The following ATP13A2 variants were observed in gnomAD, a reference collection of about 807,000 sequenced individuals.
ATP13A2 encodes polyamine-transporting ATPase 13A2.
Under a neutral mutation model 138.3 loss-of-function variants are expected in ATP13A2, and 83 were observed. That is an observed-to-expected ratio of 0.60 (90% CI 0.50 to 0.72). ATP13A2 has a LOEUF of 0.72. ATP13A2 is among the 30% of genes least tolerant of loss of function. ATP13A2 has a pLI of 0.00. For synonymous variants in ATP13A2, 663 were observed against 699.0 expected (o/e 0.95, Z 0.81); for missense variants, 1,402 against 1,606.4 (o/e 0.87, Z 2.17).
rs1242696342 is a variant in ATP13A2, at chr1:17,011,917, G to A, written c.-179C>T. 1 of 428,010 alleles carries A rather than the reference G, an allele frequency of 2.3e-6. No homozygotes were observed. The highest frequency in any genetic ancestry group is 3.2e-6 in the Non-Finnish European group (1 of 317,006). The allele number at this position is 428,010 out of a possible 1,614,324, so 26.5% of individuals were successfully genotyped here. Reference sequence around the variant, plus strand: ...GCACCTGGGCCACCAGGCTCGGCGCGGCTCCGACACTGCCGCAGTCCCTCC... The same window carrying A: ...GCACCTGGGCCACCAGGCTCGGCGCAGCTCCGACACTGCCGCAGTCCCTCC... On this transcript the variant is annotated 5_prime_UTR_variant, in exon 1 of 29. Transcript: ENST00000326735. This position sits in a 1 kb window ranked among gnomAD's most constrained non-coding sequence, Gnocchi z 7.3.
At chr1:16,998,351 T>G (rs991952715) in intron 11 of ATP13A2, among the ~76,000 whole-genome samples, 1 of 152,024 alleles carries the variant, frequency 6.6e-6, no homozygotes, top group Non-Finnish European at 1.5e-5. Flanking sequence ...ACGATAGACG[T>G]GCACCACTAC....
rs768307347 is a variant in ATP13A2, at chr1:16,990,004, C to G, written c.2413-1G>C. On this transcript the variant is annotated splice_acceptor_variant, in intron 21 of 28. Coordinates refer to ENST00000326735, the MANE Select transcript of ATP13A2 (RefSeq NM_022089.4). LOFTEE classifies it high-confidence loss of function. ...TGTAGCTTGCAGCCTGGTCAGGATC[C>G]TGGGGGCCCAGGAAGCTCAGCTTAG... 3.1e-6 allele frequency: 5 copies of G among 1,612,286 alleles called. No homozygotes were observed. The highest frequency in any genetic ancestry group is 1.7e-5 in the Admixed American group (1 of 59,684).
chr1:16,988,819 A>C (rs1301133014), intron 23 of ATP13A2, among the ~76,000 whole-genome samples: 1 of 152,028 alleles, frequency 6.6e-6, no homozygotes, highest in African/African-American at 2.4e-5. Context: ...TTTTTAGTAG[A>C]GATGGGGTTT....
intron 12 of ATP13A2, 56 bp from the exon 13 acceptor site, chr1:16,996,552 C>T (rs544340622): frequency 4.9e-6 from 7 of 1,422,980 alleles, no homozygotes; most frequent in Admixed American, 3.4e-5. Flanking sequence ...GCAGGCCTTC[C>T]CCACCCCTAG....
intron 11 of ATP13A2, among the ~76,000 whole-genome samples, chr1:16,998,000 C>T (rs1557698098): frequency 6.6e-6 from 1 of 152,190 alleles, no homozygotes; most frequent in Non-Finnish European, 1.5e-5. Flanking sequence ...CCTGGGCAGG[C>T]TGCCTAGCAA....
chr1:17,005,071 T>C lies in ATP13A2; in HGVS notation c.290A>G (p.Asp97Gly). The change falls in exon 4 of 29, where the codon GAT becomes GGT. Residue 97 changes from aspartate to glycine, a missense_variant and splice_region_variant. By Grantham distance (94) the Asp-to-Gly change is moderately conservative (BLOSUM62 -1). Coordinates refer to ENST00000326735, the MANE Select transcript of ATP13A2 (RefSeq NM_022089.4). ...TLVIEIRDKE[D>G]SSWQLFTVQV... ...GACAGTGAAGAGCTGCCAGGAACTA[T>C]CCTGGAACACAGAGGTATGGACTCA... 1 of 1,614,070 alleles carries C rather than the reference T, an allele frequency of 6.2e-7. No homozygotes were observed. Among genetic ancestry groups the C allele is most frequent in the Non-Finnish European group, 8.5e-7 (1 of 1,180,016 alleles).
chr1:16,988,399 C>T lies in ATP13A2; in HGVS notation c.2685G>A (p.Leu895=), dbSNP rs138437271. The T allele has an allele frequency of 2.7e-5, 44 of 1,614,042 alleles. No individual in the cohort carries two copies. In the African/African-American group the frequency reaches 5.1e-4, roughly 19 times the overall value. Residue 895 remains leucine (L), a synonymous_variant, in exon 24 of 29, where the codon CTG becomes CTA. Coordinates refer to ENST00000326735, the MANE Select transcript of ATP13A2 (RefSeq NM_022089.4). ...ALKAADVGIS[L]SQAEASVVSP... is the part of the protein sequence containing the mutation. Reference sequence around the variant, plus strand: ...AGACCACTGAGGCTTCTGCCTGGGACAGCGAGATGCCGACATCAGCCGCCT... The same window carrying T: ...AGACCACTGAGGCTTCTGCCTGGGATAGCGAGATGCCGACATCAGCCGCCT...
intron 20 of ATP13A2, among the ~76,000 whole-genome samples, chr1:16,990,527 C>CT (rs1039160253): frequency 6.6e-6 from 1 of 151,730 alleles, no homozygotes; most frequent in Admixed American, 6.6e-5. Context: ...CCTTTTTTTT[C>CT]TTTTTTTAAG....
chr1:17,005,138 G>A (rs1445919985), intron 3 of ATP13A2, 66 bp from the exon 4 acceptor site: 27 of 1,600,250 alleles, frequency 1.7e-5, no homozygotes, highest in Non-Finnish European at 2.2e-5. Context: ...CTGTCCTACA[G>A]CCAGGCGGCC....
chr1:17,001,314 G>T (rs1444412198), intron 8 of ATP13A2, among the ~76,000 whole-genome samples: 1 of 150,236 alleles, frequency 6.7e-6, no homozygotes, highest in African/African-American at 2.5e-5. Context: ...TGTAGTCCCA[G>T]CTATGTAGGA....
At chr1:16,994,184 G>GCT (rs144710370) in intron 15 of ATP13A2, among the ~76,000 whole-genome samples, 21 of 148,500 alleles carry the variant, frequency 1.4e-4, no homozygotes, top group Middle Eastern at 3.5e-3. Context: ...CGGTTGGCTC[G>GCT]CTCTCTCTCT....
Position 16,996,078 on chromosome 1 carries a change from GCA to G in ATP13A2, c.1438_1439del (p.Cys480HisfsTer40), listed in dbSNP as rs2077109424. The G allele has an allele frequency of 6.2e-7, 1 of 1,614,118 alleles. No homozygotes were observed. Among genetic ancestry groups the G allele is most frequent in the Non-Finnish European group, 8.5e-7 (1 of 1,180,048 alleles). On this transcript the variant is annotated frameshift_variant, in exon 15 of 29. Coordinates refer to ENST00000326735, the MANE Select transcript of ATP13A2 (RefSeq NM_022089.4). LOFTEE classifies it high-confidence loss of function. ...PPALPAAMTV[C>X]TLYAQSRLRR... ...GCAGTCGGCTCTGGGCGTAGAGCGT[GCA>G]CACAGTCATGGCAGCAGGCAGGGCA... is the stretch of plus-strand genomic sequence containing the variant.
chr1:16,992,468 A>C lies in ATP13A2; in HGVS notation c.1845+18T>G. ...CCCACCCCTCTGCCCTGCACCCAAC[A>C]GGCCCCCCTCAGCTCACCATTGCCT... is the stretch of plus-strand genomic sequence containing the variant. On this transcript the variant is annotated intron_variant, in intron 17 of 28. Coordinates refer to ENST00000326735, the MANE Select transcript of ATP13A2 (RefSeq NM_022089.4). The C allele has an allele frequency of 1.9e-6, 3 of 1,613,912 alleles. No individual in the cohort carries two copies. The highest frequency in any genetic ancestry group is 3.3e-4 in the Middle Eastern group (2 of 6,062).
At chr1:17,005,222 T>C (rs2077508079) in intron 3 of ATP13A2, 150 bp from the exon 4 acceptor site, 1 of 1,452,520 alleles carries the variant, frequency 6.9e-7, no homozygotes. Context: ...TTCTGCCCAA[T>C]GCTCAGATGG....
At chr1:16,998,658 G>C (rs1418922922) in intron 11 of ATP13A2, among the ~76,000 whole-genome samples, 2 of 152,066 alleles carry the variant, frequency 1.3e-5, no homozygotes, top group African/African-American at 4.8e-5. Flanking sequence ...AGAGACACAG[G>C]ACAAAGCTGC....
Position 16,985,999 on chromosome 1 carries a change from G to A in ATP13A2, c.*222C>T. On this transcript the variant is annotated 3_prime_UTR_variant, in exon 29 of 29. Coordinates refer to ENST00000326735, the MANE Select transcript of ATP13A2 (RefSeq NM_022089.4). ...GACTTTATTTGCTACACTGACAGCA[G>A]CACTGAGGGGAGCTGGGGGCTGCCA... The A allele has an allele frequency of 1.4e-6, 2 of 1,454,768 alleles. No individual in the cohort carries two copies. The highest frequency in any genetic ancestry group is 2.9e-5 in the African/African-American group (2 of 69,798). The allele number at this position is 1,454,768 out of a possible 1,614,324, so 90.1% of individuals were successfully genotyped here. A position where few individuals can be genotyped will look rare whatever the true frequency, so the allele number is the denominator to read the frequency against.
In ATP13A2 at chr1:16,988,477, G is replaced by C; in HGVS notation, c.2610-3C>G. On this transcript the variant is annotated splice_region_variant and splice_polypyrimidine_tract_variant and intron_variant, in intron 23 of 28. Transcript: ENST00000326735. ...CTCCGCACATGCCCACGCAGTACCT[G>C]AAGAGAGGTGTGGACAGGTGTGGCC... 6.2e-7 allele frequency: 1 copy of C among 1,613,760 alleles called. No individual in the cohort carries two copies. The highest frequency in any genetic ancestry group is 8.5e-7 in the Non-Finnish European group (1 of 1,180,048).
At position 16,986,231 on chromosome 1, in the gene ATP13A2, G is replaced by A. The variant is rs1334912986; in HGVS notation, c.3533C>T (p.Pro1178Leu). Residue 1178 changes from proline to leucine, a missense_variant, in exon 29 of 29, where the codon CCC becomes CTC. Physicochemically the swap from Pro to Leu is moderately conservative, Grantham distance 98. Coordinates refer to ENST00000326735, the MANE Select transcript of ATP13A2 (RefSeq NM_022089.4). The surrounding 1 kb of genome is among the most constrained non-coding windows in gnomAD (Gnocchi z 6.9). ...EQPWPPLPAG[P>L]LR Reference sequence around the variant, plus strand: ...GCCCGTGGGCCTGCACTACCTCAGGGGGCCGGCGGGCAGCGGCGGCCAGGG... The same window carrying A: ...GCCCGTGGGCCTGCACTACCTCAGGAGGCCGGCGGGCAGCGGCGGCCAGGG... 6.2e-7 allele frequency: 1 copy of A among 1,611,818 alleles called. No homozygotes were observed. Among genetic ancestry groups the A allele is most frequent in the Non-Finnish European group, 8.5e-7 (1 of 1,179,336 alleles).
Position 17,004,645 on chromosome 1 carries a change from C to G in ATP13A2, c.477+47G>C, listed in dbSNP as rs2077482285. On this transcript the variant is annotated intron_variant, in intron 5 of 28. Coordinates refer to ENST00000326735, the MANE Select transcript of ATP13A2 (RefSeq NM_022089.4). This position sits in a 1 kb window ranked among gnomAD's most constrained non-coding sequence, Gnocchi z 4.1. ...AGTCTGACTCTCCCATTGCACAGAT[C>G]ATGAAACCGAGGCCGAGAGAGGGGC... 1 of 1,613,808 alleles carries G rather than the reference C, an allele frequency of 6.2e-7. No individual in the cohort carries two copies. Among genetic ancestry groups the G allele is most frequent in the East Asian group, 2.2e-5 (1 of 44,884 alleles).
Sources: gnomAD v4.1 joint callset for allele counts (sites outside exome capture counted in the v4.1 genomes callset) on GRCh38, gnomAD v4.1.1 for gene constraint, Gnocchi (gnomAD v3.1) non-coding constraint, MANE v1.5 for transcripts, NCBI Gene and HGNC (gene_info 2026-07-23, HGNC 2026-07-21) for gene names.